The following ANKRD6 variants were observed in gnomAD, a reference collection of about 807,000 sequenced individuals.
ANKRD6 encodes the protein ankyrin repeat domain 6, also known as ankyrin repeat domain-containing protein 6.
A neutral mutation model predicts 82.3 loss-of-function variants in ANKRD6; 56 were observed. That is an observed-to-expected ratio of 0.68 (90% CI 0.55 to 0.85). The LOEUF is 0.85. Ranked by LOEUF, ANKRD6 falls within the 40% of genes least tolerant of loss-of-function variation. The pLI is 0.00. For missense variants in ANKRD6, 852 were observed against 907.6 expected, an observed-to-expected ratio of 0.94 and a Z score of 0.79; for synonymous variants, 347 against 352.1, an observed-to-expected ratio of 0.99 and a Z score of 0.16.
chr6:89,578,286 C>CTT lies in ANKRD6; in HGVS notation c.120+11215_120+11216dup, dbSNP rs71024383. On this transcript the variant is annotated intron_variant, in intron 2 of 15. Transcript: ENST00000339746. The stretch of plus-strand genomic sequence containing the variant: ...ATTAGCTTTTTCCCCCTCCCGCCTC[C>CTT]TTTTTTTTTTTTTTTTTTTTTTTTT... 5.5e-3 allele frequency among the ~76,000 whole-genome samples: 656 copies of CTT among 119,054 alleles called. 43 individuals are homozygous for CTT. Among genetic ancestry groups the CTT allele is most frequent in the African/African-American group, 0.02 (615 of 30,672 alleles). The allele number at this position is 119,054 out of a possible 152,430, so 78.1% of individuals were successfully genotyped here.
intron 9 of ANKRD6, 162 bp from the exon 10 acceptor site, chr6:89,621,760 G>A (rs1023441289): frequency 5.6e-5 from 38 of 678,534 alleles, no homozygotes; most frequent in Non-Finnish European, 9.6e-5. Flanking sequence ...CAAGACCTAG[G>A]AGGATGGTAG....
In ANKRD6 at chr6:89,630,701, G is replaced by A. The variant is rs2128287565; in HGVS notation, c.1881G>A (p.Gly627=). The A allele has an allele frequency of 6.2e-7, 1 of 1,613,966 alleles. No homozygotes were observed. ...GTQTKKSGKS[G]PTRHRAQQPA... ...AAACTAAGAAGTCTGGGAAGAGTGGGCCAACAAGGCATCGTGCCCAGCAAC... is the reference window on the plus strand; with the variant it reads ...AAACTAAGAAGTCTGGGAAGAGTGGACCAACAAGGCATCGTGCCCAGCAAC... The change falls in exon 16 of 16, where the codon GGG becomes GGA. Residue 627 remains glycine (G), a synonymous_variant. Transcript: ENST00000339746.
intron 1 of ANKRD6, among the ~76,000 whole-genome samples, chr6:89,497,697 G>A (rs912249455): frequency 4.6e-5 from 7 of 151,820 alleles, no homozygotes; most frequent in Admixed American, 1.3e-4. Flanking sequence ...CAGAGCTTTC[G>A]AATTTTAAAA....
intron 1 of ANKRD6, among the ~76,000 whole-genome samples, chr6:89,443,749 C>A (rs1027354173): frequency 6.6e-6 from 1 of 152,326 alleles, no homozygotes; most frequent in South Asian, 2.1e-4. Flanking sequence ...AAAATTGTTT[C>A]GTAGCTCTAG....
chr6:89,550,509 G>A (rs1476299904), intron 1 of ANKRD6, among the ~76,000 whole-genome samples: 1 of 152,192 alleles, frequency 6.6e-6, no homozygotes, highest in African/African-American at 2.4e-5. Flanking sequence ...CCAGGACAGT[G>A]ACTACTCTTG....
intron 1 of ANKRD6, among the ~76,000 whole-genome samples, chr6:89,462,431 A>G (rs577050857): frequency 2.8e-4 from 42 of 152,170 alleles, no homozygotes; most frequent in African/African-American, 9.4e-4. Context: ...GATGGCTTCT[A>G]TCTGCGTGCC....
chr6:89,546,646 A>G (rs1785133421), intron 1 of ANKRD6, among the ~76,000 whole-genome samples: 1 of 151,594 alleles, frequency 6.6e-6, no homozygotes, highest in Non-Finnish European at 1.5e-5. Context: ...TATTTTTAGT[A>G]GAGACAGGGT....
At chr6:89,451,954 T>C (rs1313067585) in intron 1 of ANKRD6, among the ~76,000 whole-genome samples, 1 of 152,200 alleles carries the variant, frequency 6.6e-6, no homozygotes, top group Non-Finnish European at 1.5e-5. Flanking sequence ...CCCAGCACTT[T>C]GGGAAGCCAA....
intron 2 of ANKRD6, among the ~76,000 whole-genome samples, chr6:89,583,460 G>A (rs1793037041): frequency 6.6e-6 from 1 of 152,186 alleles, no homozygotes; most frequent in Admixed American, 6.5e-5. Flanking sequence ...TGATAAGGAT[G>A]GTAATTAGGC....
intron 5 of ANKRD6, among the ~76,000 whole-genome samples, chr6:89,608,579 A>AACGTAATCTCT (rs1257027671): frequency 6.6e-6 from 1 of 151,848 alleles, no homozygotes; most frequent in Non-Finnish European, 1.5e-5. Flanking sequence ...CTCCTTTGTG[A>AACGTAATCTCT]ACGTAATCTC....
At chr6:89,571,472 C>T (rs1379197717) in intron 2 of ANKRD6, among the ~76,000 whole-genome samples, 1 of 152,030 alleles carries the variant, frequency 6.6e-6, no homozygotes, top group Non-Finnish European at 1.5e-5. Flanking sequence ...TATTCAAGTC[C>T]TTTGCCTATT....
Position 89,623,502 on chromosome 6 carries a change from A to T in ANKRD6, c.990A>T (p.Glu330Asp). 6.3e-7 allele frequency: 1 copy of T among 1,594,566 alleles called. No individual in the cohort carries two copies. Among genetic ancestry groups the T allele is most frequent in the Admixed American group, 1.8e-5 (1 of 56,464 alleles). Reference protein sequence around the residue: ...AREEFLSASPEPRAKDDRRRK... With the variant: ...AREEFLSASPDPRAKDDRRRK... ...AAGAGTTCCTGTCAGCCTCCCCAGAACCCAGAGCAAAGGATGACAGGAGGA... is the reference window on the plus strand; with the variant it reads ...AAGAGTTCCTGTCAGCCTCCCCAGATCCCAGAGCAAAGGATGACAGGAGGA... The change falls in exon 11 of 16, where the codon GAA becomes GAT. Residue 330 changes from glutamate (E) to aspartate (D), a missense_variant. By Grantham distance (45) the Glu-to-Asp change is conservative. Transcript: ENST00000339746.
intron 9 of ANKRD6, chr6:89,619,852 C>T (rs1802560659): frequency 6.6e-6 from 1 of 152,120 alleles, no homozygotes; most frequent in African/African-American, 2.4e-5. Context: ...TAAGAGGATA[C>T]TGTTTATTTA....
intron 1 of ANKRD6, among the ~76,000 whole-genome samples, chr6:89,490,423 T>C (rs1368131218): frequency 6.6e-6 from 1 of 152,254 alleles, no homozygotes; most frequent in East Asian, 1.9e-4. Flanking sequence ...GTGTGAGTGA[T>C]ACAGATAGAT....
intron 1 of ANKRD6, among the ~76,000 whole-genome samples, chr6:89,498,583 T>C (rs1778915443): frequency 6.6e-6 from 1 of 152,244 alleles, no homozygotes; most frequent in African/African-American, 2.4e-5. Flanking sequence ...TTTTGTTTTG[T>C]TTTAAGGGTA....
intron 2 of ANKRD6, among the ~76,000 whole-genome samples, chr6:89,571,201 G>T (rs1490374518): frequency 1.3e-5 from 2 of 152,056 alleles, no homozygotes; most frequent in African/African-American, 4.8e-5. Flanking sequence ...ACAGGTGCCC[G>T]CCATGATGCC....
intron 1 of ANKRD6, among the ~76,000 whole-genome samples, chr6:89,540,436 T>G (rs371650150): frequency 6.6e-6 from 1 of 152,252 alleles, no homozygotes; most frequent in Non-Finnish European, 1.5e-5. Flanking sequence ...TTGAGAAATA[T>G]CTACTCAAAT....
chr6:89,619,706 A>G (rs1043711103), intron 9 of ANKRD6: 3 of 152,248 alleles, frequency 2.0e-5, no homozygotes, highest in African/African-American at 7.2e-5. Flanking sequence ...AACTTTAGGC[A>G]TAAGATGTTA....
intron 1 of ANKRD6, among the ~76,000 whole-genome samples, chr6:89,557,821 T>A (rs191412872): frequency 1.3e-5 from 2 of 152,156 alleles, no homozygotes; most frequent in East Asian, 3.9e-4. Flanking sequence ...TGAACCCTAC[T>A]GTGAACTGCA....
Sources: allele counts gnomAD v4.1 joint callset (sites outside exome capture counted in the v4.1 genomes callset), GRCh38; gene constraint gnomAD v4.1.1; transcripts MANE v1.5; gene names NCBI Gene and HGNC (gene_info 2026-07-23, HGNC 2026-07-21).